The following YTHDC2 variants were observed in gnomAD, a reference collection of about 807,000 sequenced individuals.
The protein encoded by YTHDC2 is YTH N6-methyladenosine RNA binding protein C2, also known as 3'-5' RNA helicase YTHDC2.
A neutral mutation model predicts 174.9 loss-of-function variants in YTHDC2; 45 were observed. The ratio of observed to expected loss-of-function variants is 0.26; its 90% CI spans 0.20 to 0.33. The LOEUF (loss-of-function observed/expected upper bound fraction) is 0.33, where lower values mean the gene tolerates loss of function less well. YTHDC2 is among the 10% of genes least tolerant of loss of function. YTHDC2 has a pLI of 1.00. For missense variants in YTHDC2, 1,650 were observed against 1,723.7 expected, an observed-to-expected ratio of 0.96 and a Z score of 0.76; for synonymous variants, 657 against 574.5, an observed-to-expected ratio of 1.14 and a Z score of -2.05.
intron 4 of YTHDC2, among the ~76,000 whole-genome samples, chr5:113,531,611 C>T (rs57617774): frequency 1.3e-5 from 2 of 151,616 alleles, no homozygotes; most frequent in African/African-American, 4.8e-5. Flanking sequence ...CCAGGCATTC[C>T]AAGAGGGTTT....
chr5:113,578,599 A>G (rs560335512), intron 23 of YTHDC2, among the ~76,000 whole-genome samples: 1 of 152,148 alleles, frequency 6.6e-6, no homozygotes, highest in East Asian at 1.9e-4. Context: ...TTTAAAACTT[A>G]TATTTATCTT....
At chr5:113,529,383 G>A (rs1401103713) in intron 4 of YTHDC2, among the ~76,000 whole-genome samples, 1 of 152,034 alleles carries the variant, frequency 6.6e-6, no homozygotes, top group East Asian at 1.9e-4. Flanking sequence ...TGTTTCAATA[G>A]GATAAATTTC....
At chr5:113,588,631 A>AT (rs1001762512) in intron 26 of YTHDC2, among the ~76,000 whole-genome samples, 10 of 138,398 alleles carry the variant, frequency 7.2e-5, no homozygotes, top group East Asian at 2.1e-4. Flanking sequence ...TATTTATATT[A>AT]TTTTTTTTTG....
At chr5:113,530,506 C>T (rs1774581475) in intron 4 of YTHDC2, among the ~76,000 whole-genome samples, 1 of 152,032 alleles carries the variant, frequency 6.6e-6, no homozygotes, top group South Asian at 2.1e-4. Flanking sequence ...TAACACTATA[C>T]CACCTTACAG....
At position 113,566,132 on chromosome 5, in the gene YTHDC2, G is replaced by A. The variant is rs114242772; in HGVS notation, c.2842+113G>A. 9.9e-3 allele frequency: 12,071 copies of A among 1,220,228 alleles called. 117 individuals carry two copies. Among genetic ancestry groups the A allele is most frequent in the African/African-American group, 0.04 (2,573 of 64,532 alleles). The allele number at this position is 1,220,228 out of a possible 1,614,324, so 75.6% of individuals were successfully genotyped here. On this transcript the variant is annotated intron_variant, in intron 21 of 29. Coordinates refer to ENST00000161863, the MANE Select transcript of YTHDC2 (RefSeq NM_022828.5). The stretch of plus-strand genomic sequence containing the variant: ...TCTATTATTTTTATGACATTATCAT[G>A]TTGTGTATCTTATATTCATGCATGA...
At position 113,591,318 on chromosome 5, in the gene YTHDC2, A is replaced by G. The variant is rs140773653; in HGVS notation, c.4029+74A>G. ...AATCATAGAGATTTTTAGAAAAACA[A>G]CTGGCTTTTCATTGCATCAGAATGC... On this transcript the variant is annotated intron_variant, in intron 27 of 29. Transcript: ENST00000161863. 668 of 1,492,448 alleles carry G rather than the reference A, an allele frequency of 4.5e-4. 5 individuals are homozygous for G. The Admixed American group carries it at 0.011, about 25-fold the overall frequency. The allele number at this position is 1,492,448 out of a possible 1,614,324, so 92.5% of individuals were successfully genotyped here. A position where few individuals can be genotyped will look rare whatever the true frequency, so the allele number is the denominator to read the frequency against.
intron 5 of YTHDC2, 26 bp from the exon 6 acceptor site, chr5:113,534,279 A>G (rs1774896651): frequency 6.3e-7 from 1 of 1,585,888 alleles, no homozygotes; most frequent in Non-Finnish European, 8.6e-7. Flanking sequence ...GCAATTGTGC[A>G]CTTTGTTTTG....
At chr5:113,568,403 ATGTGCAGTTTTGTTGCATAGGTAAAGG>A (rs1177881859) in intron 23 of YTHDC2, among the ~76,000 whole-genome samples, 2 of 152,136 alleles carry the variant, frequency 1.3e-5, no homozygotes, top group Non-Finnish European at 2.9e-5. Context: ...CATGTGCAAG[ATGTGCAGTTTTGTTGCATAGGTAAAGG>A]TGTGCCATGG....
intron 7 of YTHDC2, among the ~76,000 whole-genome samples, chr5:113,537,354 T>G (rs1433270983): frequency 1.6e-5 from 2 of 126,260 alleles, no homozygotes; most frequent in Non-Finnish European, 3.2e-5. Context: ...TATGGTTGGC[T>G]CTCTCTCTTT....
At chr5:113,556,014 T>C in intron 16 of YTHDC2, 38 bp from the exon 17 acceptor site, 1 of 1,323,702 alleles carries the variant, frequency 7.6e-7, no homozygotes, top group Non-Finnish European at 1.1e-6. Context: ...TTTAAATACC[T>C]TTTATATTCT....
intron 23 of YTHDC2, among the ~76,000 whole-genome samples, chr5:113,573,456 A>G (rs977134534): frequency 6.6e-6 from 1 of 151,676 alleles, no homozygotes. Flanking sequence ...CTTGGGGTTG[A>G]TCTTCTCATG....
intron 4 of YTHDC2, among the ~76,000 whole-genome samples, chr5:113,528,821 A>T (rs934834846): frequency 1.4e-4 from 21 of 152,148 alleles, no homozygotes; most frequent in African/African-American, 4.3e-4. Context: ...AAAATGAAAG[A>T]TTTTAAATTC....
intron 12 of YTHDC2, among the ~76,000 whole-genome samples, chr5:113,551,092 G>T (rs1776223228): frequency 1.3e-5 from 2 of 152,088 alleles, no homozygotes; most frequent in South Asian, 4.1e-4. Context: ...TGTAAAATTG[G>T]AAATGTAGTC....
chr5:113,537,731 G>T (rs1260540675), intron 7 of YTHDC2, among the ~76,000 whole-genome samples: 4 of 151,644 alleles, frequency 2.6e-5, no homozygotes, highest in African/African-American at 4.8e-5. Flanking sequence ...ATTTTCAGTT[G>T]TTCTCCAGAG....
intron 17 of YTHDC2, 64 bp from the exon 18 acceptor site, chr5:113,561,016 C>T (rs1415911862): frequency 3.1e-5 from 41 of 1,326,928 alleles, no homozygotes; most frequent in South Asian, 2.5e-4. Flanking sequence ...AATCACATTG[C>T]GTTTACAGTT....
chr5:113,559,509 C>A (rs142905577), intron 17 of YTHDC2, among the ~76,000 whole-genome samples: 1 of 152,150 alleles, frequency 6.6e-6, no homozygotes, highest in African/African-American at 2.4e-5. Flanking sequence ...AAGATAAAGC[C>A]CATAGCACCA....
intron 24 of YTHDC2, 118 bp from the exon 25 acceptor site, chr5:113,581,299 T>C: frequency 2.1e-6 from 2 of 934,336 alleles, no homozygotes; most frequent in South Asian, 3.2e-5. Flanking sequence ...AGTAGTAAAT[T>C]ATATGAAATG....
chr5:113,565,639 T>G (rs182403733), intron 20 of YTHDC2: 3 of 274,986 alleles, frequency 1.1e-5, no homozygotes, highest in South Asian at 8.4e-5. Context: ...AGGCAAATAT[T>G]TTTACATTGT....
intron 23 of YTHDC2, among the ~76,000 whole-genome samples, chr5:113,570,294 AC>A (rs1326578034): frequency 1.3e-5 from 2 of 151,972 alleles, no homozygotes; most frequent in African/African-American, 2.4e-5. Flanking sequence ...ACAGGGTCTC[AC>A]CATGTTGGGC....
Sources: allele counts gnomAD v4.1 joint callset (sites outside exome capture counted in the v4.1 genomes callset), GRCh38; gene constraint gnomAD v4.1.1; transcripts MANE v1.5; gene names NCBI Gene and HGNC (gene_info 2026-07-23, HGNC 2026-07-21).